The following PRR14L variants were observed in gnomAD, a reference collection of about 807,000 sequenced individuals.
PRR14L encodes the protein proline rich 14 like.
Under a neutral mutation model 155.0 loss-of-function variants are expected in PRR14L, and 80 were observed. The ratio of observed to expected loss-of-function variants is 0.52; its 90% confidence interval spans 0.43 to 0.62. The LOEUF (loss-of-function observed/expected upper bound fraction) is 0.62. Ranked by LOEUF, PRR14L falls within the 20% of genes least tolerant of loss-of-function variation. The pLI is 0.00. For missense variants in PRR14L, 2,469 were observed against 2,548.0 expected (o/e 0.97, Z 0.67); for synonymous variants, 883 against 916.0 (o/e 0.96, Z 0.65).
chr22:31,697,830 C>T (rs1344350916), intron 7 of PRR14L, among the ~76,000 whole-genome samples: 4 of 152,108 alleles, frequency 2.6e-5, no homozygotes, highest in East Asian at 1.9e-4. Flanking sequence ...CATGATCATG[C>T]GTCTACACTC....
In PRR14L at chr22:31,738,394, G is replaced by A. The variant is rs746806982; in HGVS notation, c.467C>T (p.Pro156Leu). The change falls in exon 2 of 9, where the codon CCG becomes CTG. Residue 156 changes from proline (P) to leucine (L), a missense_variant. By Grantham distance (98) the Pro-to-Leu change is moderately conservative. Coordinates refer to ENST00000327423, the MANE Select transcript of PRR14L (RefSeq NM_173566.3). ...HSTAAEEKTS[P>L]SQEDLLMQSS... is the part of the protein sequence containing the mutation. ...GGAGATTTCATTTCTTACCTGACTC[G>A]GGCTAGTCTTTTCTTCAGCAGCTGT... is the stretch of plus-strand genomic sequence containing the variant. The A allele has an allele frequency of 1.5e-5, 23 of 1,551,452 alleles. No individual in the cohort carries two copies. The highest frequency in any genetic ancestry group is 5.5e-5 in the African/African-American group (4 of 73,078).
chr22:31,734,989 G>A (rs1245722145), intron 2 of PRR14L, among the ~76,000 whole-genome samples: 6 of 152,224 alleles, frequency 3.9e-5, no homozygotes, highest in Non-Finnish European at 5.9e-5. Flanking sequence ...CCCTTTCCCC[G>A]TAAGTATTTC....
intron 4 of PRR14L, among the ~76,000 whole-genome samples, chr22:31,708,954 G>A (rs1601500804): frequency 6.6e-6 from 1 of 152,062 alleles, no homozygotes; most frequent in East Asian, 1.9e-4. Context: ...AGCCTCCCGA[G>A]TAACTGGGAT....
rs1014300471 is a variant in PRR14L, at chr22:31,735,304, C to G, written c.474+3083G>C. Among the ~76,000 whole-genome samples the G allele has an allele frequency of 5.9e-5, 9 of 152,152 alleles. 1 individual carries two copies. The highest frequency in any genetic ancestry group is 1.9e-4 in the African/African-American group (8 of 41,530). On this transcript the variant is annotated intron_variant, in intron 2 of 8. Transcript: ENST00000327423. The stretch of plus-strand genomic sequence containing the variant: ...AAAATACAAAAATTTAGCCAGGCGT[C>G]ATGGCGGGCGCCTGTAGTCCCAGCT...
chr22:31,742,839 G>A (rs922836452), intron 1 of PRR14L, among the ~76,000 whole-genome samples: 2 of 152,148 alleles, frequency 1.3e-5, no homozygotes, highest in Non-Finnish European at 2.9e-5. Flanking sequence ...CTGATGAATG[G>A]ATAAACAAAA....
chr22:31,688,972 C>T (rs1049447879), intron 7 of PRR14L, among the ~76,000 whole-genome samples: 4 of 151,968 alleles, frequency 2.6e-5, no homozygotes, highest in African/African-American at 9.7e-5. Context: ...TGAGGTACAG[C>T]TTGAATAGTA....
rs1442675387 is a variant in PRR14L at position 31,714,019 on chromosome 22, C to T, written c.3820G>A (p.Val1274Ile). The T allele has an allele frequency of 6.4e-7, 1 of 1,551,304 alleles. No homozygotes were observed. The highest frequency in any genetic ancestry group is 8.7e-7 in the Non-Finnish European group (1 of 1,146,894). The change falls in exon 4 of 9, where the codon GTA becomes ATA. Residue 1274 changes from valine (V) to isoleucine (I), a missense_variant. Val to Ile is a conservative substitution (Grantham distance 29). Coordinates refer to ENST00000327423, the MANE Select transcript of PRR14L (RefSeq NM_173566.3). ...TCAGGAAGGACTGTGCAGTCCTTTA[C>T]ATTTTCACAAAGCATTTCACCATCT... ...PKDGEMLCENVKDCTVLPEMK... is the reference protein window; with the variant it reads ...PKDGEMLCENIKDCTVLPEMK...
intron 7 of PRR14L, among the ~76,000 whole-genome samples, chr22:31,697,194 C>T (rs561136238): frequency 6.6e-5 from 10 of 150,484 alleles, no homozygotes; most frequent in Admixed American, 2.0e-4. Context: ...CCCAGCTACT[C>T]GGGAGGCTGA....
intron 1 of PRR14L, among the ~76,000 whole-genome samples, chr22:31,747,603 A>G (rs2074846180): frequency 6.6e-6 from 1 of 151,730 alleles, no homozygotes; most frequent in African/African-American, 2.4e-5. Flanking sequence ...CTAAGACTCC[A>G]AAGAATAACT....
At chr22:31,739,851 CACAT>C (rs2074803049) in intron 1 of PRR14L, among the ~76,000 whole-genome samples, 1 of 152,178 alleles carries the variant, frequency 6.6e-6, no homozygotes, top group African/African-American at 2.4e-5. Flanking sequence ...CCAAAACACA[CACAT>C]ACTCAGGGCC....
intron 1 of PRR14L, among the ~76,000 whole-genome samples, chr22:31,744,823 C>T (rs2074829436): frequency 6.6e-6 from 1 of 152,158 alleles, no homozygotes; most frequent in Non-Finnish European, 1.5e-5. Context: ...GTTTACTAAA[C>T]AGATCTTTAT....
Position 31,714,134 on chromosome 22 carries a change from C to G in PRR14L, c.3705G>C (p.Leu1235=), listed in dbSNP as rs1339520396. 3 of 1,551,402 alleles carry G rather than the reference C, an allele frequency of 1.9e-6. No homozygotes were observed. Among genetic ancestry groups the G allele is most frequent in the Non-Finnish European group, 2.6e-6 (3 of 1,146,952 alleles). Residue 1235 remains leucine, a synonymous_variant, in exon 4 of 9, where the codon CTG becomes CTC. Transcript: ENST00000327423. ...GAGAAGGCATTATTTCAATGGATTTCAGGCTTCTTAGGGAAACAGAGCTTT... is the reference window on the plus strand; with the variant it reads ...GAGAAGGCATTATTTCAATGGATTTGAGGCTTCTTAGGGAAACAGAGCTTT... ...HDESSVSLRS[L]KSIEIMPSQE... is the part of the protein sequence containing the mutation.
At chr22:31,736,550 G>A (rs1254575318) in intron 2 of PRR14L, among the ~76,000 whole-genome samples, 1 of 152,192 alleles carries the variant, frequency 6.6e-6, no homozygotes, top group African/African-American at 2.4e-5. Flanking sequence ...TCAAGAGCGG[G>A]ATGGGAGCCT....
chr22:31,733,021 CTT>C (rs1189451635), intron 2 of PRR14L, among the ~76,000 whole-genome samples: 9 of 142,808 alleles, frequency 6.3e-5, no homozygotes, highest in South Asian at 4.4e-4. Flanking sequence ...GAGTTTTGCT[CTT>C]GTCACCCAGG....
intron 8 of PRR14L, 71 bp downstream of exon 8, chr22:31,688,085 G>A: frequency 7.5e-7 from 1 of 1,335,256 alleles, no homozygotes; most frequent in Non-Finnish European, 1.0e-6. Context: ...TCTTTCTAAA[G>A]TGAAAGGGCT....
At chr22:31,702,942 A>C (rs1343451445) in intron 6 of PRR14L, among the ~76,000 whole-genome samples, 2 of 151,794 alleles carry the variant, frequency 1.3e-5, no homozygotes, top group African/African-American at 4.8e-5. Context: ...CAGCCTCCCG[A>C]GTAACTGGGA....
chr22:31,713,874 T>G lies in PRR14L; in HGVS notation c.3965A>C (p.His1322Pro). The G allele has an allele frequency of 6.4e-7, 1 of 1,552,190 alleles. No homozygotes were observed. The highest frequency in any genetic ancestry group is 2.4e-5 in the East Asian group (1 of 40,926). The change falls in exon 4 of 9, where the codon CAT becomes CCT. Residue 1322 changes from histidine (H) to proline (P), a missense_variant. Physicochemically the swap from His to Pro is moderately conservative, Grantham distance 77. Transcript: ENST00000327423. ...CHPHENSSDRHLPLTVKTDIK... is the reference protein window; with the variant it reads ...CHPHENSSDRPLPLTVKTDIK... The stretch of plus-strand genomic sequence containing the variant: ...ATCTGTTTTCACTGTCAAAGGCAAA[T>G]GTCTGTCAGAGGAATTCTCGTGAGG...
chr22:31,699,313 C>T (rs775056462), intron 7 of PRR14L, among the ~76,000 whole-genome samples: 12 of 152,232 alleles, frequency 7.9e-5, no homozygotes, highest in Non-Finnish European at 1.5e-4. Context: ...GCTTGGATTA[C>T]AGGCGTGAGC....
chr22:31,712,311 C>G lies in PRR14L; in HGVS notation c.5528G>C (p.Ser1843Thr). 1 of 1,614,182 alleles carries G rather than the reference C, an allele frequency of 6.2e-7. No homozygotes were observed. The highest frequency in any genetic ancestry group is 8.5e-7 in the Non-Finnish European group (1 of 1,180,040). ...RIWTKKRSFS[S>T]HMPTMQRLFM... is the part of the protein sequence containing the mutation. ...GAGCCTCTGCATGGTAGGCATGTGG[C>G]TGGAGAAGCTCCGTTTTTTTGTCCA... Residue 1843 changes from serine to threonine, a missense_variant, in exon 4 of 9, where the codon AGC becomes ACC. By Grantham distance (58) the Ser-to-Thr change is moderately conservative. Around this residue, in one of 2 missense-constraint regions of PRR14L, gnomAD observed 2,363 missense variants for 2,371.6 expected, o/e 1.00. Coordinates refer to ENST00000327423, the MANE Select transcript of PRR14L (RefSeq NM_173566.3).
Sources: gnomAD v4.1 joint callset for allele counts (sites outside exome capture counted in the v4.1 genomes callset) on GRCh38, gnomAD v4.1.1 for gene constraint, gnomAD v4.1.1 regional missense constraint, MANE v1.5 for transcripts, NCBI Gene and HGNC (gene_info 2026-07-23, HGNC 2026-07-21) for gene names.